The following ITPR2 variants were observed in gnomAD, a reference collection of about 807,000 sequenced individuals.
The protein encoded by ITPR2 is inositol 1,4,5-trisphosphate receptor type 2.
Under a neutral mutation model 317.1 loss-of-function variants are expected in ITPR2, and 207 were observed. The observed-to-expected ratio is 0.65, with a 90% CI of 0.58 to 0.73. The LOEUF is 0.73. ITPR2 is among the 30% of genes least tolerant of loss of function. ITPR2 has a pLI of 0.00. For synonymous variants in ITPR2, 1,156 were observed against 1,149.1 expected (o/e 1.01, Z -0.12); for missense variants, 2,613 against 3,284.0 (o/e 0.80, Z 4.99).
At chr12:26,615,811 G>C (rs1435359839) in intron 26 of ITPR2, among the ~76,000 whole-genome samples, 3 of 152,134 alleles carry the variant, frequency 2.0e-5, no homozygotes, top group African/African-American at 4.8e-5. Context: ...TACCATTGTA[G>C]TGGAAAATGT....
chr12:26,475,123 C>T (rs1257300321), intron 45 of ITPR2, among the ~76,000 whole-genome samples, 173 bp downstream of exon 45: 1 of 152,172 alleles, frequency 6.6e-6, no homozygotes, highest in African/African-American at 2.4e-5. Flanking sequence ...CCTTAGCATA[C>T]CTTGGGGTGC....
chr12:26,621,687 T>C (rs936475822), intron 25 of ITPR2, among the ~76,000 whole-genome samples: 1 of 152,204 alleles, frequency 6.6e-6, no homozygotes, highest in Non-Finnish European at 1.5e-5. Flanking sequence ...TTTTATTTCA[T>C]ATTCTTTTAA....
intron 55 of ITPR2, among the ~76,000 whole-genome samples, chr12:26,348,633 T>C (rs950459669): frequency 2.0e-5 from 3 of 152,194 alleles, no homozygotes; most frequent in Non-Finnish European, 4.4e-5. Flanking sequence ...AAACACAGTC[T>C]TGTTTGACAA....
chr12:26,619,345 T>G (rs1445150356), intron 26 of ITPR2, among the ~76,000 whole-genome samples: 2 of 152,220 alleles, frequency 1.3e-5, no homozygotes, highest in African/African-American at 4.8e-5. Flanking sequence ...CTAACCAACA[T>G]TCTTTCTTAT....
At chr12:26,711,128 A>G (rs748151811) in intron 9 of ITPR2, 45 bp downstream of exon 9, 18 of 1,339,462 alleles carry the variant, frequency 1.3e-5, no homozygotes, top group Non-Finnish European at 1.7e-5. Flanking sequence ...CTCTTTCACT[A>G]ATTCAGAGTC....
intron 13 of ITPR2, among the ~76,000 whole-genome samples, chr12:26,671,928 C>G (rs1592020957): frequency 6.6e-6 from 1 of 151,954 alleles, no homozygotes; most frequent in Non-Finnish European, 1.5e-5. Flanking sequence ...GACTTTAAAC[C>G]AACAAAGATC....
At chr12:26,390,755 A>T (rs977541202) in intron 54 of ITPR2, among the ~76,000 whole-genome samples, 1 of 152,216 alleles carries the variant, frequency 6.6e-6, no homozygotes, top group Admixed American at 6.5e-5. Context: ...TTATATCTCA[A>T]TAGAGCTATT....
intron 2 of ITPR2, among the ~76,000 whole-genome samples, chr12:26,737,122 A>G (rs1278288578): frequency 6.6e-6 from 1 of 152,202 alleles, no homozygotes; most frequent in African/African-American, 2.4e-5. Context: ...AAAAAATACA[A>G]ATTACTCAGA....
At chr12:26,467,931 T>G (rs1179191380) in intron 45 of ITPR2, among the ~76,000 whole-genome samples, 1 of 152,214 alleles carries the variant, frequency 6.6e-6, no homozygotes, top group African/African-American at 2.4e-5. Flanking sequence ...TTATACTTTT[T>G]CTTTGTGGAA....
intron 2 of ITPR2, among the ~76,000 whole-genome samples, chr12:26,778,479 TCTC>T (rs1390502676): frequency 6.6e-6 from 1 of 152,188 alleles, no homozygotes; most frequent in Non-Finnish European, 1.5e-5. Flanking sequence ...AATTAACACA[TCTC>T]CTGGTACCTA....
At chr12:26,418,954 C>A (rs1940806606) in intron 50 of ITPR2, 95 bp downstream of exon 50, 2 of 1,049,344 alleles carry the variant, frequency 1.9e-6, no homozygotes, top group Admixed American at 2.8e-5. Context: ...AAATGTCAGG[C>A]TTTGCTTAAA....
At chr12:26,803,650 AT>A (rs1274654137) in intron 1 of ITPR2, among the ~76,000 whole-genome samples, 4 of 152,098 alleles carry the variant, frequency 2.6e-5, no homozygotes, top group Non-Finnish European at 2.9e-5. Flanking sequence ...TAGCCAAAAC[AT>A]TTTTTTCCTT....
chr12:26,346,554 T>C (rs10842716), intron 55 of ITPR2, among the ~76,000 whole-genome samples: 30,876 of 151,268 alleles, frequency 0.2, 4,140 homozygotes, highest in East Asian at 0.46. Context: ...ACCCAGGAGG[T>C]GGAGGTTGCA....
intron 48 of ITPR2, among the ~76,000 whole-genome samples, chr12:26,430,826 T>C (rs57035829): frequency 0.041 from 6,174 of 152,294 alleles, 178 homozygotes; most frequent in South Asian, 0.12. Flanking sequence ...ATCTACCTCA[T>C]GCAGACTCTA....
chr12:26,816,377 G>A (rs1950852613), intron 1 of ITPR2, among the ~76,000 whole-genome samples: 1 of 152,126 alleles, frequency 6.6e-6, no homozygotes. Context: ...CTGCTTTACA[G>A]ATAAGGAAAC....
chr12:26,353,964 T>C (rs900874746), intron 55 of ITPR2, among the ~76,000 whole-genome samples: 2 of 152,030 alleles, frequency 1.3e-5, no homozygotes, highest in Non-Finnish European at 2.9e-5. Context: ...ACAACAAAAA[T>C]GCAAAAATAG....
chr12:26,766,314 A>G (rs1214929572), intron 2 of ITPR2, among the ~76,000 whole-genome samples: 1 of 151,506 alleles, frequency 6.6e-6, no homozygotes, highest in African/African-American at 2.4e-5. Context: ...TTTTGTAACT[A>G]TAATTCCAGG....
At position 26,415,317 on chromosome 12, in the gene ITPR2, C is replaced by A; in HGVS notation, c.7292G>T (p.Arg2431Leu). Residue 2431 changes from arginine (R) to leucine (L), a missense_variant, in exon 51 of 57, where the codon CGA becomes CTA. This residue lies in a region of ITPR2 where 113 missense variants were observed against 129.2 expected (regional missense o/e 0.87). Coordinates refer to ENST00000381340, the MANE Select transcript of ITPR2 (RefSeq NM_002223.4). ...AATAGCAATACCTGTAACAGGAGTT[C>A]GGTTTTTCAGCCTATCAACTTCCAT... ...FTMEVDRLKN[R>L]TPVTGSHQVP... 6.2e-7 allele frequency: 1 copy of A among 1,600,072 alleles called. No homozygotes were observed. The highest frequency in any genetic ancestry group is 1.1e-5 in the South Asian group (1 of 88,862).
intron 10 of ITPR2, among the ~76,000 whole-genome samples, chr12:26,691,894 C>A (rs1592043127): frequency 6.6e-6 from 1 of 152,052 alleles, no homozygotes; most frequent in Non-Finnish European, 1.5e-5. Context: ...TCACTACTGA[C>A]TTTATGTAAC....
Sources: allele counts gnomAD v4.1 joint callset (sites outside exome capture counted in the v4.1 genomes callset), GRCh38; gene constraint gnomAD v4.1.1; regional missense constraint gnomAD v4.1.1; transcripts MANE v1.5; gene names NCBI Gene and HGNC (gene_info 2026-07-23, HGNC 2026-07-21).